The following SVOP variants were observed in gnomAD, a reference collection of about 807,000 sequenced individuals.
The protein encoded by SVOP is synaptic vesicle 2-related protein.
Under a neutral mutation model 69.1 loss-of-function variants are expected in SVOP, and 17 were observed. The ratio of observed to expected loss-of-function variants is 0.25; its 90% confidence interval spans 0.17 to 0.37. The LOEUF is 0.37. Among genes scored for constraint, SVOP ranks in the 10% least tolerant of loss-of-function variants. The pLI is 1.00. For missense variants in SVOP, 435 were observed against 597.5 expected, an observed-to-expected ratio of 0.73 and a Z score of 2.84; for synonymous variants, 238 against 238.6, an observed-to-expected ratio of 1.00 and a Z score of 0.02.
intron 1 of SVOP, among the ~76,000 whole-genome samples, chr12:109,005,778 C>T (rs1284521181): frequency 6.6e-6 from 1 of 152,090 alleles, no homozygotes; most frequent in Non-Finnish European, 1.5e-5. Context: ...CAAAGACAGT[C>T]CCACACAAAT....
At chr12:108,944,354 G>A (rs1328231292) in intron 7 of SVOP, among the ~76,000 whole-genome samples, 1 of 152,182 alleles carries the variant, frequency 6.6e-6, no homozygotes, top group Non-Finnish European at 1.5e-5. Flanking sequence ...CCACATCAGT[G>A]TGGATCAGTG....
rs192645005 is a variant in SVOP at position 109,014,823 on chromosome 12, G to A, written c.35+6011C>T. On this transcript the variant is annotated intron_variant, in intron 1 of 15. Coordinates refer to ENST00000610966, the MANE Select transcript of SVOP (RefSeq NM_018711.5). Reference sequence around the variant, plus strand: ...TGCAGCCTCAAAACCCTGGGCTCAAGCAATCTTCCCTCCTCAGCCTCCTAA... The same window carrying A: ...TGCAGCCTCAAAACCCTGGGCTCAAACAATCTTCCCTCCTCAGCCTCCTAA... Among the ~76,000 whole-genome samples the A allele has an allele frequency of 6.9e-3, 1,051 of 152,238 alleles. 9 individuals carry two copies. Among genetic ancestry groups the A allele is most frequent in the Non-Finnish European group, 9.9e-3 (674 of 68,006 alleles).
chr12:108,917,521 C>T (rs1393790269), intron 14 of SVOP, among the ~76,000 whole-genome samples: 2 of 151,742 alleles, frequency 1.3e-5, no homozygotes, highest in African/African-American at 2.4e-5. Flanking sequence ...AAAATATACA[C>T]ATGGAAAATA....
intron 6 of SVOP, among the ~76,000 whole-genome samples, chr12:108,952,473 T>C (rs973299577): frequency 6.6e-6 from 1 of 152,056 alleles, no homozygotes; most frequent in African/African-American, 2.4e-5. Context: ...TGGCCTCAAG[T>C]GATCCACCTG....
intron 2 of SVOP, among the ~76,000 whole-genome samples, chr12:108,981,325 C>T (rs933459934): frequency 4.6e-5 from 7 of 152,294 alleles, no homozygotes; most frequent in African/African-American, 1.7e-4. Context: ...GAGTAGAGCC[C>T]AGATCAGCCT....
Position 108,978,566 on chromosome 12 carries a change from A to G in SVOP, c.282+12T>C, listed in dbSNP as rs149229692. 314 of 703,444 alleles carry G rather than the reference A, an allele frequency of 4.5e-4. No individual in the cohort carries two copies. Among genetic ancestry groups the G allele is most frequent in the Non-Finnish European group, 6.4e-4 (248 of 384,700 alleles). The allele number at this position is 703,444 out of a possible 1,614,324, so 43.6% of individuals were successfully genotyped here. On this transcript the variant is annotated intron_variant, in intron 3 of 15. Coordinates refer to ENST00000610966, the MANE Select transcript of SVOP (RefSeq NM_018711.5). Reference sequence around the variant, plus strand: ...CTTGGAGGCTGAGCCACTGCCCCCCAGAAATACTTGCCCAAGCCAAGCCAG... The same window carrying G: ...CTTGGAGGCTGAGCCACTGCCCCCCGGAAATACTTGCCCAAGCCAAGCCAG...
intron 5 of SVOP, among the ~76,000 whole-genome samples, chr12:108,970,108 C>G (rs2137429068): frequency 6.6e-6 from 1 of 152,330 alleles, no homozygotes; most frequent in East Asian, 1.9e-4. Context: ...TCTGCTGGCC[C>G]AAGTTTCCTG....
chr12:108,982,628 ACTAT>A, intron 2 of SVOP, among the ~76,000 whole-genome samples: 1 of 151,698 alleles, frequency 6.6e-6, no homozygotes, highest in South Asian at 2.1e-4. Flanking sequence ...CATCTTCATC[ACTAT>A]CATCATCATC....
At chr12:108,972,711 A>G (rs1462829060) in intron 4 of SVOP, among the ~76,000 whole-genome samples, 1 of 152,220 alleles carries the variant, frequency 6.6e-6, no homozygotes, top group East Asian at 1.9e-4. Context: ...ACTCAGAGAG[A>G]GAGGCAATTG....
Position 108,944,982 on chromosome 12 carries a change from A to T in SVOP, c.642+121T>A, listed in dbSNP as rs895727513. ...GTAACTGATCCTTTTACGTCTTTGC[A>T]TATTGAGTCTGTAATGTTTTTTTCT... On this transcript the variant is annotated intron_variant, in intron 7 of 15. Coordinates refer to ENST00000610966, the MANE Select transcript of SVOP (RefSeq NM_018711.5). 16 of 854,440 alleles carry T rather than the reference A, an allele frequency of 1.9e-5. No individual in the cohort carries two copies. The South Asian group carries it at 2.5e-4, about 13-fold the overall frequency. 52.9% of individuals were successfully genotyped at this position (854,440 alleles called of 1,614,324 possible).
intron 13 of SVOP, among the ~76,000 whole-genome samples, chr12:108,918,530 T>C (rs1283225112): frequency 2.0e-5 from 3 of 152,174 alleles, no homozygotes; most frequent in Non-Finnish European, 4.4e-5. Flanking sequence ...GTCCCATTGT[T>C]CCCATAAATG....
intron 6 of SVOP, among the ~76,000 whole-genome samples, chr12:108,959,886 C>T (rs371683395): frequency 1.3e-5 from 2 of 152,204 alleles, no homozygotes. Flanking sequence ...AGTTCCTATT[C>T]CAGCTCCTCC....
chr12:108,942,525 C>T (rs556032410), intron 7 of SVOP, among the ~76,000 whole-genome samples: 1 of 152,164 alleles, frequency 6.6e-6, no homozygotes, highest in Non-Finnish European at 1.5e-5. Flanking sequence ...CAATGTGGAG[C>T]CCTGCAGGAG....
At chr12:109,020,290 C>G (rs1394182190) in intron 1 of SVOP, among the ~76,000 whole-genome samples, 1 of 152,148 alleles carries the variant, frequency 6.6e-6, no homozygotes, top group Admixed American at 6.6e-5. Context: ...TTTCACCGAC[C>G]GTGCACAGCC....
chr12:108,917,006 C>G (rs1254945020), intron 14 of SVOP, among the ~76,000 whole-genome samples: 1 of 152,226 alleles, frequency 6.6e-6, no homozygotes, highest in African/African-American at 2.4e-5. Context: ...CTCGGCCTCC[C>G]GAAGTGCTGG....
At chr12:108,931,513 C>G (rs768211102) in intron 11 of SVOP, among the ~76,000 whole-genome samples, 2 of 152,168 alleles carry the variant, frequency 1.3e-5, no homozygotes, top group African/African-American at 2.4e-5. Context: ...TCTCCCAAGT[C>G]CTGATTAAAT....
At chr12:108,980,611 G>A (rs886067008) in intron 2 of SVOP, among the ~76,000 whole-genome samples, 12 of 77,656 alleles carry the variant, frequency 1.5e-4, no homozygotes, top group Admixed American at 5.2e-4. Context: ...TTAGCTGGGC[G>A]CGGTGGCGGG....
chr12:108,968,744 T>TTGTGTGTGTGTG (rs554473073), intron 5 of SVOP, among the ~76,000 whole-genome samples: 7,155 of 149,708 alleles, frequency 0.048, 228 homozygotes, highest in Non-Finnish European at 0.075. Context: ...TGTTTGTCTT[T>TTGTGTGTGTGTG]TGTGTGTGTG....
chr12:109,018,534 A>T (rs1439637300), intron 1 of SVOP, among the ~76,000 whole-genome samples: 2 of 152,064 alleles, frequency 1.3e-5, no homozygotes, highest in Non-Finnish European at 2.9e-5. Context: ...ATTTTTTTTT[A>T]GCCATATTGC....
Sources: allele counts gnomAD v4.1 joint callset (sites outside exome capture counted in the v4.1 genomes callset), GRCh38; gene constraint gnomAD v4.1.1; transcripts MANE v1.5; gene names NCBI Gene and HGNC (gene_info 2026-07-23, HGNC 2026-07-21).